Variants in ITPR2 observed in about 807,000 individuals in gnomAD.
ITPR2 encodes the protein inositol 1,4,5-trisphosphate receptor type 2.
ITPR2 carries 207 observed loss-of-function variants against 317.1 expected under a neutral mutation model. The ratio of observed to expected loss-of-function variants is 0.65; its 90% CI spans 0.58 to 0.73. The LOEUF is 0.73. Ranked by LOEUF, ITPR2 falls within the 30% of genes least tolerant of loss-of-function variation. The probability of loss-of-function intolerance (pLI) is 0.00; values close to 1 mark genes in which losing one functional copy is unlikely to be tolerated. For synonymous variants in ITPR2, 1,156 were observed against 1,149.1 expected, an observed-to-expected ratio of 1.01 and a Z score of -0.12; for missense variants, 2,613 against 3,284.0, an observed-to-expected ratio of 0.80 and a Z score of 4.99.
At chr12:26,594,834 A>T (rs1317885982) in intron 32 of ITPR2, among the ~76,000 whole-genome samples, 1 of 152,216 alleles carries the variant, frequency 6.6e-6, no homozygotes, top group Non-Finnish European at 1.5e-5. Context: ...CATTTACTCA[A>T]TATTAACAGA....
chr12:26,413,479 A>C (rs956355495), intron 51 of ITPR2, among the ~76,000 whole-genome samples: 11 of 152,260 alleles, frequency 7.2e-5, no homozygotes, highest in African/African-American at 2.4e-4. Context: ...ATAGTGTCCA[A>C]TACATGAAAG....
chr12:26,642,774 A>AAT (rs1299075983), intron 21 of ITPR2, among the ~76,000 whole-genome samples: 7 of 152,246 alleles, frequency 4.6e-5, no homozygotes, highest in Non-Finnish European at 1.0e-4. Context: ...GACCAAGACA[A>AAT]GATCTTAGTC....
At chr12:26,485,792 C>A (rs1410522986) in intron 41 of ITPR2, among the ~76,000 whole-genome samples, 1 of 152,174 alleles carries the variant, frequency 6.6e-6, no homozygotes, top group Non-Finnish European at 1.5e-5. Flanking sequence ...AATGTGATCT[C>A]TCTCAACAAT....
intron 39 of ITPR2, 82 bp from the exon 40 acceptor site, chr12:26,487,333 A>G: frequency 9.9e-7 from 1 of 1,007,604 alleles, no homozygotes; most frequent in Non-Finnish European, 1.4e-6. Context: ...CATAAGCATT[A>G]TAGGCAAAAG....
At chr12:26,656,578 G>A in intron 18 of ITPR2, 30 bp from the exon 19 acceptor site, 1 of 1,609,352 alleles carries the variant, frequency 6.2e-7, no homozygotes, top group Non-Finnish European at 8.5e-7. Flanking sequence ...TTACATTATT[G>A]TCTTATCTCA....
intron 15 of ITPR2, among the ~76,000 whole-genome samples, chr12:26,659,636 G>A (rs1947451615): frequency 6.6e-6 from 1 of 152,066 alleles, no homozygotes; most frequent in Admixed American, 6.5e-5. Flanking sequence ...GAGGCTAAGT[G>A]GGAAAAATAA....
chr12:26,438,784 C>T (rs1295739326), intron 47 of ITPR2, among the ~76,000 whole-genome samples: 4 of 152,176 alleles, frequency 2.6e-5, no homozygotes, highest in South Asian at 2.1e-4. Flanking sequence ...CAATCCTATT[C>T]ACTGATAGGC....
chr12:26,506,311 C>A (rs7969203), intron 37 of ITPR2, among the ~76,000 whole-genome samples: 79,534 of 150,952 alleles, frequency 0.53, 21,699 homozygotes, highest in South Asian at 0.65. Flanking sequence ...GAGTTTACGA[C>A]TGGCCTGGGA....
chr12:26,597,339 T>C (rs149281518), intron 30 of ITPR2, among the ~76,000 whole-genome samples: 166 of 152,238 alleles, frequency 1.1e-3, no homozygotes, highest in African/African-American at 3.8e-3. Context: ...TCAAAACCAG[T>C]TGAGGCGATG....
At chr12:26,571,603 T>C (rs1945161905) in intron 34 of ITPR2, among the ~76,000 whole-genome samples, 1 of 152,230 alleles carries the variant, frequency 6.6e-6, no homozygotes. Flanking sequence ...AGAGCAGAGA[T>C]TTGTGATAGG....
Position 26,722,510 on chromosome 12 carries a change from A to C in ITPR2, c.412T>G (p.Leu138Val). 6.2e-7 allele frequency: 1 copy of C among 1,613,210 alleles called. No homozygotes were observed. Residue 138 changes from leucine to valine, a missense_variant, in exon 5 of 57, where the codon TTA (leucine) becomes GTA (valine). Leu to Val is a conservative substitution (Grantham distance 32). This residue lies in a region of ITPR2 where 515 missense variants were observed against 789.4 expected (regional missense o/e 0.65). Transcript: ENST00000381340. ...SNKYLTVNKR[L>V]PALLEKNAMR... ...GCATTCTTCTCCAGTAAAGCAGGTAATCTCTTGTTGACAGTAAGATATTTG... is the reference window on the plus strand; with the variant it reads ...GCATTCTTCTCCAGTAAAGCAGGTACTCTCTTGTTGACAGTAAGATATTTG...
intron 21 of ITPR2, among the ~76,000 whole-genome samples, chr12:26,646,277 T>TC (rs1466141944): frequency 6.8e-6 from 1 of 147,912 alleles, no homozygotes; most frequent in East Asian, 1.9e-4. Flanking sequence ...TCCTGGCAGA[T>TC]TTTTTTTTTG....
At chr12:26,672,838 A>C (rs1947815969) in intron 13 of ITPR2, among the ~76,000 whole-genome samples, 1 of 151,998 alleles carries the variant, frequency 6.6e-6, no homozygotes, top group Non-Finnish European at 1.5e-5. Flanking sequence ...GAAGAATCAA[A>C]TAGACGCAAT....
intron 37 of ITPR2, among the ~76,000 whole-genome samples, chr12:26,502,025 C>G (rs1207766813): frequency 6.6e-6 from 1 of 152,158 alleles, no homozygotes. Context: ...ATCAAATATC[C>G]TAGCCTCAAG....
chr12:26,616,217 A>G (rs1325181093), intron 26 of ITPR2, among the ~76,000 whole-genome samples: 3 of 152,044 alleles, frequency 2.0e-5, no homozygotes, highest in Non-Finnish European at 4.4e-5. Context: ...GGCTCACTGC[A>G]AGCTCCGCCT....
intron 37 of ITPR2, 90 bp from the exon 38 acceptor site, chr12:26,495,350 G>T: frequency 1.4e-6 from 1 of 691,732 alleles, no homozygotes; most frequent in Non-Finnish European, 2.4e-6. Context: ...TGCATTTTGT[G>T]AATGATGTTG....
chr12:26,786,449 TAAAAAAA>T (rs59014121), intron 2 of ITPR2, among the ~76,000 whole-genome samples: 4 of 119,226 alleles, frequency 3.4e-5, no homozygotes, highest in Admixed American at 1.6e-4. Context: ...GAATGATCAA[TAAAAAAA>T]AAAAAAAAAA....
chr12:26,356,066 G>C (rs1466880920), intron 55 of ITPR2, among the ~76,000 whole-genome samples: 1 of 152,232 alleles, frequency 6.6e-6, no homozygotes, highest in Non-Finnish European at 1.5e-5. Flanking sequence ...TGGGAGGTGA[G>C]GCAAACACGG....
At chr12:26,782,074 C>T (rs963806107) in intron 2 of ITPR2, among the ~76,000 whole-genome samples, 5 of 89,600 alleles carry the variant, frequency 5.6e-5, no homozygotes, top group Admixed American at 2.0e-4. Context: ...AGAGAGAGAG[C>T]GAGAGAGATC....
Sources: allele counts gnomAD v4.1 joint callset (sites outside exome capture counted in the v4.1 genomes callset), GRCh38; gene constraint gnomAD v4.1.1; regional missense constraint gnomAD v4.1.1; transcripts MANE v1.5; gene names NCBI Gene and HGNC (gene_info 2026-07-23, HGNC 2026-07-21).